NEK7: variants seen among roughly 807,000 people sequenced by gnomAD.
The protein encoded by NEK7 is serine/threonine-protein kinase Nek7.
Under a neutral mutation model 44.6 loss-of-function variants are expected in NEK7, and 18 were observed. The observed-to-expected ratio is 0.40, with a 90% CI of 0.28 to 0.60. NEK7 has a LOEUF of 0.60. Among genes scored for constraint, NEK7 ranks in the 20% least tolerant of loss-of-function variants. The pLI, the probability that NEK7 is intolerant of heterozygous loss-of-function variation, is 0.38. For missense variants in NEK7, 256 were observed against 366.5 expected (o/e 0.70, Z 2.46); for synonymous variants, 130 against 121.1 (o/e 1.07, Z -0.48).
intron 7 of NEK7, among the ~76,000 whole-genome samples, chr1:198,282,848 T>C (rs534961482): frequency 6.6e-6 from 1 of 152,226 alleles, no homozygotes; most frequent in East Asian, 1.9e-4. Context: ...GAATGTAGCC[T>C]GAGCAAGACA....
At chr1:198,181,689 C>T (rs1284346792) in intron 1 of NEK7, among the ~76,000 whole-genome samples, 1 of 151,972 alleles carries the variant, frequency 6.6e-6, no homozygotes, top group Non-Finnish European at 1.5e-5. Context: ...TAAACAACAA[C>T]AAAAATACAA....
intron 1 of NEK7, among the ~76,000 whole-genome samples, chr1:198,179,237 A>G (rs1664689558): frequency 6.6e-6 from 1 of 152,110 alleles, no homozygotes; most frequent in Non-Finnish European, 1.5e-5. Context: ...TTAAATGAAA[A>G]CATTATTTGG....
chr1:198,195,790 A>C (rs1330575776), intron 1 of NEK7, among the ~76,000 whole-genome samples: 1 of 152,180 alleles, frequency 6.6e-6, no homozygotes, highest in African/African-American at 2.4e-5. Context: ...GCGCCACTGC[A>C]CTCCAGCCTT....
chr1:198,203,354 G>A (rs895718337), intron 1 of NEK7, among the ~76,000 whole-genome samples: 70 of 152,260 alleles, frequency 4.6e-4, no homozygotes, highest in African/African-American at 1.6e-3. Context: ...ATCTTTAAAA[G>A]AAAAAGTAGA....
rs774428189 is a variant in NEK7 at position 198,277,935 on chromosome 1, A to G, written c.373-26A>G. 5.7e-6 allele frequency: 8 copies of G among 1,395,744 alleles called. No homozygotes were observed. The Admixed American group carries it at 1.4e-4, about 24-fold the overall frequency. The allele number at this position is 1,395,744 out of a possible 1,614,324, so 86.5% of individuals were successfully genotyped here. On this transcript the variant is annotated intron_variant, in intron 5 of 9. Coordinates refer to ENST00000367385, the MANE Select transcript of NEK7 (RefSeq NM_133494.3). ...AGTCTTGAGAAATTTTAGTTTTTATAGTTCTTATTTTTAATTTTCAAAAAG... is the reference window on the plus strand; with the variant it reads ...AGTCTTGAGAAATTTTAGTTTTTATGGTTCTTATTTTTAATTTTCAAAAAG...
intron 1 of NEK7, among the ~76,000 whole-genome samples, chr1:198,190,575 T>G (rs1017676695): frequency 1.3e-5 from 2 of 152,102 alleles, no homozygotes; most frequent in Admixed American, 6.6e-5. Context: ...TAGAGGATAC[T>G]CTCTAAAGTC....
intron 7 of NEK7, among the ~76,000 whole-genome samples, chr1:198,283,029 G>T (rs1287422978): frequency 6.6e-6 from 1 of 152,220 alleles, no homozygotes; most frequent in Admixed American, 6.6e-5. Context: ...TTTAAACTGA[G>T]ATGTAAAGGA....
chr1:198,180,967 T>C (rs2102743362), intron 1 of NEK7, among the ~76,000 whole-genome samples: 1 of 152,196 alleles, frequency 6.6e-6, no homozygotes, highest in Middle Eastern at 3.4e-3. Context: ...AAGAGAGATA[T>C]CTATGTGGAA....
At chr1:198,240,510 A>AG (rs887969719) in intron 2 of NEK7, among the ~76,000 whole-genome samples, 1 of 152,058 alleles carries the variant, frequency 6.6e-6, no homozygotes, top group Middle Eastern at 3.2e-3. Context: ...AAAAAAAAAA[A>AG]AAAAGAAATA....
intron 2 of NEK7, among the ~76,000 whole-genome samples, chr1:198,238,294 T>C (rs536607609): frequency 1.3e-5 from 2 of 152,254 alleles, no homozygotes; most frequent in South Asian, 4.2e-4. Context: ...AACCACAAAC[T>C]TCTCCATCCA....
intron 3 of NEK7, among the ~76,000 whole-genome samples, 196 bp from the exon 4 acceptor site, chr1:198,262,379 T>A (rs1653504780): frequency 6.6e-6 from 1 of 151,910 alleles, no homozygotes; most frequent in African/African-American, 2.4e-5. Flanking sequence ...ATCCATTTTT[T>A]AAATACTGAC....
chr1:198,216,003 C>T (rs1665907992), intron 1 of NEK7, among the ~76,000 whole-genome samples: 1 of 152,042 alleles, frequency 6.6e-6, no homozygotes, highest in African/African-American at 2.4e-5. Flanking sequence ...ATCACTGAAG[C>T]AGAAATTTAA....
At chr1:198,250,015 C>G (rs1234270414) in intron 2 of NEK7, among the ~76,000 whole-genome samples, 114 of 141,032 alleles carry the variant, frequency 8.1e-4, no homozygotes, top group Non-Finnish European at 1.4e-3. Flanking sequence ...GGTTTTAGGT[C>G]TAACGTTTAA....
chr1:198,205,742 T>C (rs539151384), intron 1 of NEK7, among the ~76,000 whole-genome samples: 2 of 152,228 alleles, frequency 1.3e-5, no homozygotes, highest in East Asian at 1.9e-4. Flanking sequence ...TATTTAATAA[T>C]GGTACGTGGA....
chr1:198,176,325 C>A (rs1664602946), intron 1 of NEK7, among the ~76,000 whole-genome samples: 1 of 152,094 alleles, frequency 6.6e-6, no homozygotes, highest in African/African-American at 2.4e-5. Context: ...TTAAAAAAGG[C>A]TACCTGAGTA....
At chr1:198,228,155 G>A (rs1462073404) in intron 1 of NEK7, among the ~76,000 whole-genome samples, 2 of 152,092 alleles carry the variant, frequency 1.3e-5, no homozygotes, top group South Asian at 2.1e-4. Flanking sequence ...TTTTTGTCAG[G>A]TTTTCAAAGA....
chr1:198,290,321 G>A (rs1050708135), intron 7 of NEK7, among the ~76,000 whole-genome samples: 6 of 152,174 alleles, frequency 3.9e-5, no homozygotes, highest in African/African-American at 1.4e-4. Context: ...TGAGGCAACA[G>A]TAATCGTAGA....
In NEK7 at chr1:198,319,541, A is replaced by C; in HGVS notation, c.*19A>C. ...CAGCTAAACATGCAAGATCATGAAG[A>C]GTGTAACCAAAGTAATTGAAAGTAT... On this transcript the variant is annotated 3_prime_UTR_variant, in exon 10 of 10. Coordinates refer to ENST00000367385, the MANE Select transcript of NEK7 (RefSeq NM_133494.3). The C allele has an allele frequency of 1.2e-5, 19 of 1,586,198 alleles. No homozygotes were observed. The highest frequency in any genetic ancestry group is 1.6e-5 in the Non-Finnish European group (19 of 1,166,778).
intron 1 of NEK7, among the ~76,000 whole-genome samples, chr1:198,213,085 A>T (rs1317917028): frequency 6.6e-6 from 1 of 152,186 alleles, no homozygotes; most frequent in East Asian, 1.9e-4. Flanking sequence ...GGGAGACTAG[A>T]GGACAGGTCA....
Sources: gnomAD v4.1 joint callset for allele counts (sites outside exome capture counted in the v4.1 genomes callset) on GRCh38, gnomAD v4.1.1 for gene constraint, MANE v1.5 for transcripts, NCBI Gene and HGNC (gene_info 2026-07-23, HGNC 2026-07-21) for gene names.